Variants in CENPO observed in about 807,000 individuals in gnomAD.
CENPO encodes the protein centromere protein O.
Under a neutral mutation model 36.1 loss-of-function variants are expected in CENPO, and 30 were observed. That is an observed-to-expected ratio of 0.83 (90% CI 0.62 to 1.13). The LOEUF (loss-of-function observed/expected upper bound fraction) is 1.13. Among genes scored for constraint, CENPO ranks in the 50% most tolerant of loss-of-function variants. The probability of loss-of-function intolerance (pLI) is 0.00; values close to 1 mark genes in which losing one functional copy is unlikely to be tolerated. For synonymous variants in CENPO, 171 were observed against 142.3 expected (o/e 1.20, Z -1.44); for missense variants, 349 against 357.8 (o/e 0.98, Z 0.20).
At chr2:24,814,189 C>G (rs1162078754) in intron 3 of CENPO, among the ~76,000 whole-genome samples, 187 bp from the exon 4 acceptor site, 1 of 152,220 alleles carries the variant, frequency 6.6e-6, no homozygotes, top group Non-Finnish European at 1.5e-5. Context: ...ACTTCTGATT[C>G]CTGGCATTGT....
chr2:24,808,212 T>G (rs918768424), intron 3 of CENPO, among the ~76,000 whole-genome samples: 32 of 152,090 alleles, frequency 2.1e-4, no homozygotes, highest in African/African-American at 7.5e-4. Context: ...AGGTATTTTA[T>G]TTTTTTTATT....
In CENPO at chr2:24,808,808, TA is replaced by T. The variant is rs566739723; in HGVS notation, c.217-5567del. Among the ~76,000 whole-genome samples, 29 of 152,314 alleles carry T rather than the reference TA, an allele frequency of 1.9e-4. No individual in the cohort carries two copies. The South Asian group carries it at 5.6e-3, about 29-fold the overall frequency. On this transcript the variant is annotated intron_variant, in intron 3 of 7. Coordinates refer to ENST00000380834, the MANE Select transcript of CENPO (RefSeq NM_001322101.2). ...AAATTCATGAGAGAGACTGCCCTAT[TA>T]TTTTTTTGTGGTAACTTTGTCAGGT... is the stretch of plus-strand genomic sequence containing the variant.
rs1667483132 is a variant in CENPO, at chr2:24,820,603, C to T, written c.*1285C>T. Reference sequence around the variant, plus strand: ...AGATTCTTTTCCACTTGCCCCACGTCTCTGCCTCTGGACTTACTGTTCAGG... The same window carrying T: ...AGATTCTTTTCCACTTGCCCCACGTTTCTGCCTCTGGACTTACTGTTCAGG... On this transcript the variant is annotated 3_prime_UTR_variant, in exon 8 of 8. Transcript: ENST00000380834. 1 of 1,508,644 alleles carries T rather than the reference C, an allele frequency of 6.6e-7. No individual in the cohort carries two copies. The highest frequency in any genetic ancestry group is 1.4e-5 in the African/African-American group (1 of 71,964). 93.5% of individuals were successfully genotyped at this position (1,508,644 alleles called of 1,614,324 possible).
At chr2:24,798,795 C>T (rs1056805141) in intron 2 of CENPO, among the ~76,000 whole-genome samples, 3 of 151,696 alleles carry the variant, frequency 2.0e-5, no homozygotes, top group Non-Finnish European at 4.4e-5. Context: ...GTTTTATTAG[C>T]CATAAAAACC....
chr2:24,817,594 G>C (rs958193885), intron 6 of CENPO, 76 bp from the exon 7 acceptor site: 1 of 1,583,992 alleles, frequency 6.3e-7, no homozygotes, highest in Non-Finnish European at 8.6e-7. Context: ...TGCACTGAAT[G>C]AGATTGAATA....
At chr2:24,814,102 A>C (rs563308205) in intron 3 of CENPO, among the ~76,000 whole-genome samples, 4 of 152,222 alleles carry the variant, frequency 2.6e-5, no homozygotes, top group Non-Finnish European at 4.4e-5. Context: ...CTTTCCACAC[A>C]ACCTTTTCTT....
intron 2 of CENPO, among the ~76,000 whole-genome samples, chr2:24,797,710 C>G (rs922665148): frequency 6.6e-5 from 10 of 152,118 alleles, no homozygotes; most frequent in Non-Finnish European, 1.2e-4. Flanking sequence ...CAAGGCATAC[C>G]AACAGGCCGC....
At chr2:24,818,178 ATTAAG>A (rs1427320889) in intron 7 of CENPO, among the ~76,000 whole-genome samples, 2 of 152,224 alleles carry the variant, frequency 1.3e-5, no homozygotes, top group Non-Finnish European at 2.9e-5. Context: ...AGACCAGGCA[ATTAAG>A]TTGTCACAGT....
intron 7 of CENPO, among the ~76,000 whole-genome samples, chr2:24,818,867 T>G (rs1667108414): frequency 6.6e-6 from 1 of 152,220 alleles, no homozygotes; most frequent in African/African-American, 2.4e-5. Flanking sequence ...CAGGCACAGA[T>G]AGGAGTCATG....
chr2:24,800,285 AC>A (rs1402091053), intron 3 of CENPO, among the ~76,000 whole-genome samples: 3 of 152,248 alleles, frequency 2.0e-5, no homozygotes, highest in Non-Finnish European at 2.9e-5. Context: ...TCTCAAAAAA[AC>A]AAAAATCCGG....
intron 3 of CENPO, among the ~76,000 whole-genome samples, chr2:24,809,368 C>T (rs1419526320): frequency 6.6e-6 from 1 of 152,044 alleles, no homozygotes; most frequent in Non-Finnish European, 1.5e-5. Context: ...TTATTTTCTT[C>T]CATTACTCTC....
intron 3 of CENPO, among the ~76,000 whole-genome samples, chr2:24,806,310 G>A (rs113939247): frequency 0.13 from 19,877 of 152,182 alleles, 1,375 homozygotes; most frequent in East Asian, 0.21. Context: ...GCTCACACTC[G>A]GTGTGCTGCA....
intron 3 of CENPO, among the ~76,000 whole-genome samples, chr2:24,804,107 C>G (rs1331493425): frequency 6.6e-6 from 1 of 152,126 alleles, no homozygotes; most frequent in African/African-American, 2.4e-5. Context: ...CTCTTTTGAT[C>G]TTTGTTGGTT....
Position 24,795,121 on chromosome 2 carries a change from C to G in CENPO, c.46+1156C>G, listed in dbSNP as rs56410826. Among the ~76,000 whole-genome samples the G allele has an allele frequency of 4.5e-3, 681 of 152,248 alleles. 4 individuals carry two copies. Among genetic ancestry groups the G allele is most frequent in the African/African-American group, 0.015 (639 of 41,542 alleles). On this transcript the variant is annotated intron_variant, in intron 2 of 7. Transcript: ENST00000380834. ...ATGCTACACTCAGGAGTAACCTGTT[C>G]TCTAGTCCAGGCCTTATTTCATTTC...
At position 24,820,405 on chromosome 2, in the gene CENPO, TCTTCTGTC is replaced by T; in HGVS notation, c.*1089_*1096del. ...TTACCTGGAAACTGCCACTGCCTGC[TCTTCTGTC>T]CCTTTGCCCCTTTCGTGGAGCTTTT... is the stretch of plus-strand genomic sequence containing the variant. On this transcript the variant is annotated 3_prime_UTR_variant, in exon 8 of 8. Coordinates refer to ENST00000380834, the MANE Select transcript of CENPO (RefSeq NM_001322101.2). 1 of 1,314,898 alleles carries T rather than the reference TCTTCTGTC, an allele frequency of 7.6e-7. No homozygotes were observed. Among genetic ancestry groups the T allele is most frequent in the Non-Finnish European group, 9.7e-7 (1 of 1,035,610 alleles). The allele number at this position is 1,314,898 out of a possible 1,614,324, so 81.5% of individuals were successfully genotyped here. A position where few individuals can be genotyped will look rare whatever the true frequency, so the allele number is the denominator to read the frequency against.
At chr2:24,800,837 T>C (rs994712825) in intron 3 of CENPO, among the ~76,000 whole-genome samples, 26 of 152,218 alleles carry the variant, frequency 1.7e-4, no homozygotes, top group Non-Finnish European at 3.4e-4. Context: ...TTTGGATATA[T>C]ACCCAGTAAT....
At chr2:24,817,214 T>C (rs2148292661) in intron 6 of CENPO, among the ~76,000 whole-genome samples, 1 of 152,242 alleles carries the variant, frequency 6.6e-6, no homozygotes, top group South Asian at 2.1e-4. Flanking sequence ...ACACACTTAC[T>C]CCTCCCTACG....
intron 2 of CENPO, among the ~76,000 whole-genome samples, chr2:24,797,388 C>T (rs1665954101): frequency 6.6e-6 from 1 of 152,130 alleles, no homozygotes; most frequent in Admixed American, 6.5e-5. Context: ...GGTGGATATT[C>T]TGCTTTCTCA....
At chr2:24,804,233 T>G (rs542694053) in intron 3 of CENPO, among the ~76,000 whole-genome samples, 1 of 152,316 alleles carries the variant, frequency 6.6e-6, no homozygotes, top group Non-Finnish European at 1.5e-5. Flanking sequence ...TCTCTGCACA[T>G]GAGATGGGTC....
Sources: allele counts gnomAD v4.1 joint callset (sites outside exome capture counted in the v4.1 genomes callset), GRCh38; gene constraint gnomAD v4.1.1; transcripts MANE v1.5; gene names NCBI Gene and HGNC (gene_info 2026-07-23, HGNC 2026-07-21).